CLTCL1: variants seen among roughly 807,000 people sequenced by gnomAD.
CLTCL1 encodes clathrin heavy chain 2.
In CLTCL1, 159 loss-of-function variants were observed where a neutral mutation model predicts 190.0. That is an observed-to-expected ratio of 0.84 (90% CI 0.74 to 0.95). The LOEUF (loss-of-function observed/expected upper bound fraction) is 0.95. Among genes scored for constraint, CLTCL1 ranks in the 40% least tolerant of loss-of-function variants. The probability of loss-of-function intolerance (pLI) is 0.00; values close to 1 mark genes in which losing one functional copy is unlikely to be tolerated. For missense variants in CLTCL1, 1,878 were observed against 2,033.4 expected, an observed-to-expected ratio of 0.92 and a Z score of 1.47; for synonymous variants, 752 against 769.6, an observed-to-expected ratio of 0.98 and a Z score of 0.38.
intron 2 of CLTCL1, among the ~76,000 whole-genome samples, chr22:19,256,356 T>A (rs543459557): frequency 0.012 from 1,400 of 115,324 alleles, 34 homozygotes; most frequent in East Asian, 0.078. Context: ...TCTTTTATCT[T>A]TTTTTTTTTT....
At chr22:19,189,724 A>G (rs1432735470) in intron 27 of CLTCL1, among the ~76,000 whole-genome samples, 3 of 152,208 alleles carry the variant, frequency 2.0e-5, no homozygotes, top group Non-Finnish European at 4.4e-5. Flanking sequence ...TCCTGTTAAT[A>G]TATGGATATT....
In CLTCL1 at chr22:19,222,725, G is replaced by A. The variant is rs535917556; in HGVS notation, c.2377C>T (p.Arg793Cys). 5.3e-5 allele frequency: 84 copies of A among 1,595,224 alleles called. No homozygotes were observed. The highest frequency in any genetic ancestry group is 4.4e-4 in the Admixed American group (25 of 56,900). ...FVHDLVLYLY[R>C]NNLQRYIEIY... ...TCAATGTACCTCTGCAGGTTGTTGC[G>A]GTATAAATATAGGACAAGGTCATGG... The change falls in exon 15 of 33, where the codon CGC (arginine) becomes TGC (cysteine). Residue 793 changes from arginine to cysteine, a missense_variant. Transcript: ENST00000427926.
At position 19,221,491 on chromosome 22, in the gene CLTCL1, C is replaced by T. The variant is rs782537062; in HGVS notation, c.2682G>A (p.Leu894=). The change falls in exon 17 of 33, where the codon CTG becomes CTA. Residue 894 remains leucine, a synonymous_variant. Transcript: ENST00000427926. ...IDSNNSPECF[L]RENAYYDSSV... is the part of the protein sequence containing the mutation. ...TGCTGTCATAGTAGGCATTCTCTCT[C>T]AGGAAGCACTCGGGGCTGTTGTTGC... 7 of 1,599,468 alleles carry T rather than the reference C, an allele frequency of 4.4e-6. No homozygotes were observed. The highest frequency in any genetic ancestry group is 1.7e-4 in the Middle Eastern group (1 of 6,050).
chr22:19,233,879 T>C (rs1017635138), intron 7 of CLTCL1, among the ~76,000 whole-genome samples: 2 of 152,204 alleles, frequency 1.3e-5, no homozygotes, highest in Non-Finnish European at 2.9e-5. Flanking sequence ...ATTCGGCCTC[T>C]CAATCAGTCT....
intron 26 of CLTCL1, among the ~76,000 whole-genome samples, chr22:19,193,019 G>A (rs1303635775): frequency 6.6e-6 from 1 of 152,226 alleles, no homozygotes; most frequent in Non-Finnish European, 1.5e-5. Context: ...GAGAAGGGTA[G>A]GGACTCAAGT....
chr22:19,263,434 A>C (rs1039860038), intron 2 of CLTCL1, among the ~76,000 whole-genome samples: 1 of 151,722 alleles, frequency 6.6e-6, no homozygotes, highest in African/African-American at 2.4e-5. Flanking sequence ...TTATTTTTTG[A>C]GATGGAGTCT....
At chr22:19,222,122 G>C in intron 15 of CLTCL1, 29 bp from the exon 16 acceptor site, 1 of 1,611,340 alleles carries the variant, frequency 6.2e-7, no homozygotes, top group Non-Finnish European at 8.5e-7. Flanking sequence ...AGTAACTTCA[G>C]TGTTGCAAAC....
At position 19,275,795 on chromosome 22, in the gene CLTCL1, T is replaced by A. The variant is rs1555982982; in HGVS notation, c.78A>T (p.Gly26=). The A allele has an allele frequency of 6.2e-7, 1 of 1,607,660 alleles. No individual in the cohort carries two copies. The highest frequency in any genetic ancestry group is 2.2e-5 in the East Asian group (1 of 44,768). The change falls in exon 2 of 33, where the codon GGA becomes GGT. Residue 26 remains glycine, a synonymous_variant. Transcript: ENST00000427926. ...QNLGINPANI[G]FSTLTMESDK... ...CAGATTCCATGGTCAGTGTGCTGAA[T>A]CCAATGTTAGCTGGATTAATTCCAA...
In CLTCL1 at chr22:19,208,136, C is replaced by G; in HGVS notation, c.3600+18G>C. 6.2e-7 allele frequency: 1 copy of G among 1,613,778 alleles called. No homozygotes were observed. Among genetic ancestry groups the G allele is most frequent in the East Asian group, 2.2e-5 (1 of 44,888 alleles). ...AAATCTGACTGGCAGTGCACAGCCCCCAGGGGGCATGGCCTACCTGCTGGA... is the reference window on the plus strand; with the variant it reads ...AAATCTGACTGGCAGTGCACAGCCCGCAGGGGGCATGGCCTACCTGCTGGA... On this transcript the variant is annotated intron_variant, in intron 22 of 32. Coordinates refer to ENST00000427926, the MANE Select transcript of CLTCL1 (RefSeq NM_007098.4).
At chr22:19,284,603 T>C (rs539815881) in intron 1 of CLTCL1, among the ~76,000 whole-genome samples, 1 of 152,186 alleles carries the variant, frequency 6.6e-6, no homozygotes, top group African/African-American at 2.4e-5. Flanking sequence ...GAGGCTGCAG[T>C]GAGCCAAGAC....
chr22:19,274,582 T>C (rs1215727676), intron 2 of CLTCL1, among the ~76,000 whole-genome samples: 3 of 152,154 alleles, frequency 2.0e-5, no homozygotes, highest in Non-Finnish European at 2.9e-5. Flanking sequence ...TCTTTTTAAA[T>C]AGAAAGGTCT....
chr22:19,203,278 G>A (rs2146338385), intron 22 of CLTCL1, among the ~76,000 whole-genome samples: 1 of 152,296 alleles, frequency 6.6e-6, no homozygotes, highest in East Asian at 1.9e-4. Flanking sequence ...TCGCACCACT[G>A]CACTCTAGCT....
intron 29 of CLTCL1, among the ~76,000 whole-genome samples, chr22:19,186,760 C>T (rs2084329052): frequency 2.6e-5 from 4 of 152,022 alleles, no homozygotes; most frequent in Admixed American, 2.6e-4. Flanking sequence ...ACCACTACAC[C>T]CGGCTAACTT....
rs1555993903 is a variant in CLTCL1, at chr22:19,291,628, A to G, written c.14T>C (p.Leu5Pro). MAQILPVRFQEHFQL... is the reference protein window; with the variant it reads MAQIPPVRFQEHFQL... The stretch of plus-strand genomic sequence containing the variant: ...GAAGTGCTCCTGAAAGCGAACAGGG[A>G]GGATCTGCGCCATGGCTGGTGCGGG... Residue 5 changes from leucine to proline, a missense_variant, in exon 1 of 33, where the codon CTC becomes CCC. By Grantham distance (98) the Leu-to-Pro change is moderately conservative (BLOSUM62 -3). Coordinates refer to ENST00000427926, the MANE Select transcript of CLTCL1 (RefSeq NM_007098.4). 2.1e-6 allele frequency: 3 copies of G among 1,406,136 alleles called. No homozygotes were observed. Among genetic ancestry groups the G allele is most frequent in the South Asian group, 3.0e-5 (2 of 67,026 alleles). The allele number at this position is 1,406,136 out of a possible 1,614,324, so 87.1% of individuals were successfully genotyped here.
At chr22:19,187,885 C>T in intron 28 of CLTCL1, 96 bp downstream of exon 28, 1 of 1,378,168 alleles carries the variant, frequency 7.3e-7, no homozygotes, top group South Asian at 1.2e-5. Context: ...GCCTGCACAC[C>T]CTCCTGTGCA....
intron 31 of CLTCL1, 49 bp downstream of exon 31, chr22:19,180,682 C>T: frequency 6.3e-7 from 1 of 1,591,852 alleles, no homozygotes; most frequent in East Asian, 2.2e-5. Context: ...GACTTTGACT[C>T]CCTCCCTGCT....
At chr22:19,289,066 C>T (rs1194947935) in intron 1 of CLTCL1, among the ~76,000 whole-genome samples, 1 of 152,224 alleles carries the variant, frequency 6.6e-6, no homozygotes, top group Non-Finnish European at 1.5e-5. Flanking sequence ...TCACTGCAAC[C>T]TCTGCCTCCC....
rs2085087874 is a variant in CLTCL1, at chr22:19,207,523, C to T, written c.3600+631G>A. On this transcript the variant is annotated intron_variant, in intron 22 of 32. Transcript: ENST00000427926. ...AATAGCAACAGGTTACTTACTTCCT[C>T]GTGTGGCTTGCTTCTCATGATCTTT... 6 of 401,888 alleles carry T rather than the reference C, an allele frequency of 1.5e-5. No individual in the cohort carries two copies. In the East Asian group the frequency reaches 1.8e-4, roughly 12 times the overall value. The allele number at this position is 401,888 out of a possible 1,614,324, so 24.9% of individuals were successfully genotyped here.
At position 19,283,606 on chromosome 22, in the gene CLTCL1, T is replaced by C. The variant is rs184698056; in HGVS notation, c.43-7776A>G. Among the ~76,000 whole-genome samples, 22 of 152,258 alleles carry C rather than the reference T, an allele frequency of 1.4e-4. No individual in the cohort carries two copies. The East Asian group carries it at 4.3e-3, about 29-fold the overall frequency. Reference sequence around the variant, plus strand: ...TTAGCTACACATTTTAAATGGCATATATAAGATTTAACTAAAGAAAGGTAA... The same window carrying C: ...TTAGCTACACATTTTAAATGGCATACATAAGATTTAACTAAAGAAAGGTAA... On this transcript the variant is annotated intron_variant, in intron 1 of 32. Coordinates refer to ENST00000427926, the MANE Select transcript of CLTCL1 (RefSeq NM_007098.4).
Sources: allele counts gnomAD v4.1 joint callset (sites outside exome capture counted in the v4.1 genomes callset), GRCh38; gene constraint gnomAD v4.1.1; transcripts MANE v1.5; gene names NCBI Gene and HGNC (gene_info 2026-07-23, HGNC 2026-07-21).